The following NTRK2 variants were observed in gnomAD, a reference collection of about 807,000 sequenced individuals.
NTRK2 encodes BDNF/NT-3 growth factors receptor.
In NTRK2, 13 loss-of-function variants were observed where a neutral mutation model predicts 94.5. That is an observed-to-expected ratio of 0.14 (90% CI 0.09 to 0.22). The LOEUF is 0.22. Among genes scored for constraint, NTRK2 ranks in the 10% least tolerant of loss-of-function variants. The pLI is 1.00. For missense variants in NTRK2, 639 were observed against 1,071.2 expected (o/e 0.60, Z 5.63); for synonymous variants, 372 against 407.4 (o/e 0.91, Z 1.05).
chr9:84,872,494 A>G (rs2075902566), intron 14 of NTRK2: 1 of 1,068,294 alleles, frequency 9.4e-7, no homozygotes, highest in African/African-American at 1.6e-5. Flanking sequence ...AATCAACTTA[A>G]AATTGTCTCT....
intron 2 of NTRK2, among the ~76,000 whole-genome samples, chr9:84,689,933 G>A (rs919714583): frequency 5.3e-5 from 8 of 152,000 alleles, no homozygotes; most frequent in Non-Finnish European, 1.2e-4. Context: ...TAAGATATTT[G>A]TTTAGGACTT....
At chr9:84,797,836 ATATATAT>A (rs1220942775) in intron 12 of NTRK2, among the ~76,000 whole-genome samples, 23 of 95,474 alleles carry the variant, frequency 2.4e-4, no homozygotes, top group East Asian at 1.3e-3. Flanking sequence ...CTATAATAAT[ATATATAT>A]TATATATTAT....
intron 12 of NTRK2, among the ~76,000 whole-genome samples, chr9:84,775,954 C>T (rs980759858): frequency 6.6e-6 from 1 of 152,134 alleles, no homozygotes; most frequent in Non-Finnish European, 1.5e-5. Context: ...GGCCAGTCTT[C>T]GTTTTGTTCA....
rs2074929033 is a variant in NTRK2 at position 84,854,065 on chromosome 9, C to A, written c.1397-6975C>A. Among the ~76,000 whole-genome samples, 6 of 141,102 alleles carry A rather than the reference C, an allele frequency of 4.3e-5. No homozygotes were observed. The South Asian group carries it at 1.3e-3, about 31-fold the overall frequency. The allele number at this position is 141,102 out of a possible 152,430, so 92.6% of individuals were successfully genotyped here. On this transcript the variant is annotated intron_variant, in intron 12 of 18. Coordinates refer to ENST00000277120, the MANE Select transcript of NTRK2 (RefSeq NM_006180.6). ...CCAGCCTGGGCAACAGAGTGAGACTCTGTCTCAAAAAAAAAAAAAGAAAAG... is the reference window on the plus strand; with the variant it reads ...CCAGCCTGGGCAACAGAGTGAGACTATGTCTCAAAAAAAAAAAAAGAAAAG...
intron 2 of NTRK2, among the ~76,000 whole-genome samples, chr9:84,674,082 G>A (rs142649791): frequency 6.6e-6 from 1 of 151,984 alleles, no homozygotes; most frequent in Non-Finnish European, 1.5e-5. Context: ...GTGGTAAAAG[G>A]CACAGTCAAA....
intron 17 of NTRK2, among the ~76,000 whole-genome samples, chr9:84,977,297 C>CAGA (rs1329253982): frequency 6.6e-6 from 1 of 152,202 alleles, no homozygotes; most frequent in Non-Finnish European, 1.5e-5. Flanking sequence ...AGGCACAGCA[C>CAGA]AGACTTCTTG....
At chr9:84,783,292 C>A (rs1181706393) in intron 12 of NTRK2, among the ~76,000 whole-genome samples, 1 of 152,088 alleles carries the variant, frequency 6.6e-6, no homozygotes, top group African/African-American at 2.4e-5. Flanking sequence ...ATTTTTGTGT[C>A]TGTATTGCAA....
chr9:84,832,741 C>T (rs547853585), intron 12 of NTRK2, among the ~76,000 whole-genome samples: 1 of 152,304 alleles, frequency 6.6e-6, no homozygotes, highest in East Asian at 1.9e-4. Context: ...ATTTCACTGT[C>T]TTCATTCACC....
intron 15 of NTRK2, among the ~76,000 whole-genome samples, chr9:84,942,241 C>A (rs1031199550): frequency 6.6e-6 from 1 of 152,142 alleles, no homozygotes; most frequent in African/African-American, 2.4e-5. Flanking sequence ...TTATTTCTCC[C>A]AAGTTCTTTC....
At chr9:84,719,375 G>A (rs1400618645) in intron 6 of NTRK2, among the ~76,000 whole-genome samples, 2 of 151,932 alleles carry the variant, frequency 1.3e-5, no homozygotes, top group Non-Finnish European at 2.9e-5. Flanking sequence ...GATAATATTA[G>A]TATCACTATA....
chr9:84,898,509 C>CT (rs1039601268), intron 14 of NTRK2, among the ~76,000 whole-genome samples: 4 of 151,608 alleles, frequency 2.6e-5, no homozygotes, highest in Admixed American at 6.6e-5. Flanking sequence ...CTTTTTCTTT[C>CT]TTTTTTTTCT....
At chr9:85,005,392 G>T (rs1011190231) in intron 17 of NTRK2, among the ~76,000 whole-genome samples, 17 of 152,188 alleles carry the variant, frequency 1.1e-4, no homozygotes, top group African/African-American at 4.1e-4. Context: ...TCTGACTGTG[G>T]TCTTGGATTT....
intron 14 of NTRK2, among the ~76,000 whole-genome samples, chr9:84,892,520 C>A (rs559761536): frequency 6.6e-6 from 1 of 152,226 alleles, no homozygotes; most frequent in Admixed American, 6.5e-5. Flanking sequence ...CTGGATTCTA[C>A]AATTAAGATT....
chr9:84,867,837 C>T (rs1372420959), intron 14 of NTRK2, among the ~76,000 whole-genome samples: 2 of 152,106 alleles, frequency 1.3e-5, no homozygotes, highest in Non-Finnish European at 2.9e-5. Context: ...AATATGCACT[C>T]TAGGTAGTTG....
At chr9:84,775,326 C>T (rs999295484) in intron 12 of NTRK2, among the ~76,000 whole-genome samples, 1 of 152,232 alleles carries the variant, frequency 6.6e-6, no homozygotes, top group Admixed American at 6.5e-5. Flanking sequence ...GACTCCCAGC[C>T]CAGTGTGTTT....
At chr9:84,774,038 C>T (rs954950051) in intron 12 of NTRK2, among the ~76,000 whole-genome samples, 5 of 152,280 alleles carry the variant, frequency 3.3e-5, no homozygotes, top group Middle Eastern at 3.4e-3. Flanking sequence ...CCTTCCTGCC[C>T]TCCCCTATGG....
intron 6 of NTRK2, 43 bp from the exon 7 acceptor site, chr9:84,723,530 T>C (rs201250955): frequency 5.0e-6 from 8 of 1,611,778 alleles, no homozygotes; most frequent in Non-Finnish European, 6.8e-6. Context: ...ATACTGCATT[T>C]AACTATTTGC....
Position 85,026,776 on chromosome 9 carries a change from A to G in NTRK2, c.*5339A>G, listed in dbSNP as rs1833057062. On this transcript the variant is annotated 3_prime_UTR_variant, in exon 19 of 19. Transcript: ENST00000277120. ...CTTCAATCGTGACCTGGTATTTGGA[A>G]CTCTCCTTTTCATTTGGCTTATCTT... The G allele has an allele frequency of 1.7e-5, 4 of 231,576 alleles. No homozygotes were observed. Among genetic ancestry groups the G allele is most frequent in the Admixed American group, 5.7e-5 (1 of 17,662 alleles). 14.3% of individuals were successfully genotyped at this position (231,576 alleles called of 1,614,324 possible).
At position 84,971,352 on chromosome 9, in the gene NTRK2, C is replaced by T. The variant is rs562891538; in HGVS notation, c.2172+15835C>T. ...CATTTATCAAATAATTCCACAAACA[C>T]ATATTGAACAAGACCTGTGATAAAT... On this transcript the variant is annotated intron_variant, in intron 17 of 18. Transcript: ENST00000277120. Among the ~76,000 whole-genome samples the T allele has an allele frequency of 4.6e-4, 70 of 152,278 alleles. 2 individuals are homozygous for T. In the South Asian group the frequency reaches 9.1e-3, roughly 20 times the overall value.
Sources: gnomAD v4.1 joint callset for allele counts (sites outside exome capture counted in the v4.1 genomes callset) on GRCh38, gnomAD v4.1.1 for gene constraint, MANE v1.5 for transcripts, NCBI Gene and HGNC (gene_info 2026-07-23, HGNC 2026-07-21) for gene names.